The following TMPRSS2 variants were observed in gnomAD, a reference collection of about 807,000 sequenced individuals.
TMPRSS2 encodes the protein transmembrane protease serine 2.
In TMPRSS2, 59 loss-of-function variants were observed where a neutral mutation model predicts 67.4. That is an observed-to-expected ratio of 0.88 (90% confidence interval 0.71 to 1.09). The LOEUF (loss-of-function observed/expected upper bound fraction) is 1.09. Ranked by LOEUF, TMPRSS2 falls within the 50% of genes least tolerant of loss-of-function variation. TMPRSS2 has a pLI of 0.00. For synonymous variants in TMPRSS2, 257 were observed against 257.0 expected, an observed-to-expected ratio of 1.00 and a Z score of 0.00; for missense variants, 668 against 642.7, an observed-to-expected ratio of 1.04 and a Z score of -0.43.
At chr21:41,477,331 C>T (rs8134216) in intron 7 of TMPRSS2, among the ~76,000 whole-genome samples, 97,647 of 152,016 alleles carry the variant, frequency 0.64, 33,013 homozygotes, top group Middle Eastern at 0.78. Context: ...GATGTCTGAA[C>T]AGACAGAACA....
intron 8 of TMPRSS2, 50 bp from the exon 9 acceptor site, chr21:41,473,546 C>G (rs199704563): frequency 4.1e-4 from 629 of 1,542,170 alleles, no homozygotes; most frequent in Non-Finnish European, 5.0e-4. Flanking sequence ...CAGAAGCCGC[C>G]CAGCCACCCA....
At chr21:41,503,072 A>G (rs1332703375) in intron 1 of TMPRSS2, among the ~76,000 whole-genome samples, 1 of 152,232 alleles carries the variant, frequency 6.6e-6, no homozygotes, top group African/African-American at 2.4e-5. Flanking sequence ...TATACCAACA[A>G]CAGACGATCG....
At chr21:41,468,346 T>C in intron 12 of TMPRSS2, 50 bp downstream of exon 12, 10 of 1,604,862 alleles carry the variant, frequency 6.2e-6, no homozygotes, top group Non-Finnish European at 7.7e-6. Context: ...TCATGGGGGG[T>C]TCAGTAGGAT....
At chr21:41,466,789 A>C (rs1569007816) in intron 13 of TMPRSS2, among the ~76,000 whole-genome samples, 1 of 152,228 alleles carries the variant, frequency 6.6e-6, no homozygotes, top group African/African-American at 2.4e-5. Context: ...GCTTTCTTCC[A>C]CTAGTAGCCC....
intron 3 of TMPRSS2, among the ~76,000 whole-genome samples, chr21:41,491,900 C>T (rs73357644): frequency 0.054 from 8,198 of 152,214 alleles, 737 homozygotes; most frequent in African/African-American, 0.19. Flanking sequence ...CTCACTGGCC[C>T]GGCACAGTGG....
chr21:41,494,717 G>A lies in TMPRSS2; in HGVS notation c.16-139C>T, dbSNP rs368625065. ...GTTTTTATTTTATTTTGTGAAATAT[G>A]CATCCTGTCTATACAACTTGTACAG... On this transcript the variant is annotated intron_variant, in intron 2 of 13. Coordinates refer to ENST00000332149, the MANE Select transcript of TMPRSS2 (RefSeq NM_005656.4). The A allele has an allele frequency of 2.4e-4, 201 of 843,726 alleles. 1 individual carries two copies. Among genetic ancestry groups the A allele is most frequent in the Admixed American group, 1.8e-3 (89 of 49,656 alleles). 52.3% of individuals were successfully genotyped at this position (843,726 alleles called of 1,614,324 possible).
At chr21:41,505,028 C>T (rs1254222792) in intron 1 of TMPRSS2, among the ~76,000 whole-genome samples, 1 of 152,080 alleles carries the variant, frequency 6.6e-6, no homozygotes, top group Non-Finnish European at 1.5e-5. Context: ...TGCACCTGGG[C>T]CTTCAATGCT....
intron 2 of TMPRSS2, among the ~76,000 whole-genome samples, chr21:41,495,403 C>A (rs183141812): frequency 4.3e-4 from 65 of 152,166 alleles, no homozygotes; most frequent in Non-Finnish European, 7.6e-4. Context: ...GCAGGTGGAT[C>A]ACCTGAGGTC....
intron 1 of TMPRSS2, among the ~76,000 whole-genome samples, chr21:41,503,477 A>G (rs420737): frequency 0.12 from 18,050 of 152,256 alleles, 2,014 homozygotes; most frequent in East Asian, 0.33. Flanking sequence ...TGAGCACTCA[A>G]TAATAACATA....
rs747100310 is a variant in TMPRSS2, at chr21:41,479,198, G to A, written c.657C>T (p.Val219=). The A allele has an allele frequency of 8.7e-6, 14 of 1,613,794 alleles. No individual in the cohort carries two copies. Among genetic ancestry groups the A allele is most frequent in the South Asian group, 5.5e-5 (5 of 91,078 alleles). ...FMKLNTSAGN[V]DIYKKLYHSD... is the part of the protein sequence containing the mutation. ...TGTGGTACAGTTTTTTATAGATATC[G>A]ACATTGCCGGCACTTGTGTTCAGTT... Residue 219 remains valine, a synonymous_variant, in exon 7 of 14, where the codon GTC becomes GTT. Coordinates refer to ENST00000332149, the MANE Select transcript of TMPRSS2 (RefSeq NM_005656.4).
At position 41,494,416 on chromosome 21, in the gene TMPRSS2, C is replaced by T. The variant is rs1266959483; in HGVS notation, c.178G>A (p.Ala60Thr). 1 of 1,611,588 alleles carries T rather than the reference C, an allele frequency of 6.2e-7. No individual in the cohort carries two copies. Among genetic ancestry groups the T allele is most frequent in the East Asian group, 2.2e-5 (1 of 44,864 alleles). Residue 60 changes from alanine (A) to threonine (T), a missense_variant, in exon 3 of 14, where the codon GCT becomes ACT. Coordinates refer to ENST00000332149, the MANE Select transcript of TMPRSS2 (RefSeq NM_005656.4). The part of the protein sequence containing the change: ...PQYAPRVLTQ[A>T]SNPVVCTQPK... ...TGCGTGCAGACGACGGGGTTGGAAGCCTGCGTCAGGACCCTCGGGGCGTAC... is the reference window on the plus strand; with the variant it reads ...TGCGTGCAGACGACGGGGTTGGAAGTCTGCGTCAGGACCCTCGGGGCGTAC...
intron 5 of TMPRSS2, among the ~76,000 whole-genome samples, chr21:41,484,626 T>A (rs962790387): frequency 6.6e-6 from 1 of 152,168 alleles, no homozygotes; most frequent in Admixed American, 6.5e-5. Context: ...ATATGAATAA[T>A]CAATATGGAA....
intron 1 of TMPRSS2, among the ~76,000 whole-genome samples, chr21:41,501,923 A>G (rs2091427234): frequency 6.6e-6 from 1 of 152,254 alleles, no homozygotes; most frequent in African/African-American, 2.4e-5. Context: ...TCAATTCTGG[A>G]AAGCCAGCCA....
chr21:41,492,465 T>C (rs57272146), intron 3 of TMPRSS2, among the ~76,000 whole-genome samples: 71 of 152,368 alleles, frequency 4.7e-4, no homozygotes, highest in African/African-American at 1.7e-3. Flanking sequence ...AAATTCCTTA[T>C]ACTCCTGATG....
chr21:41,476,059 C>T (rs945888699), intron 8 of TMPRSS2, among the ~76,000 whole-genome samples: 1 of 152,102 alleles, frequency 6.6e-6, no homozygotes, highest in African/African-American at 2.4e-5. Flanking sequence ...ACTCTAAACA[C>T]AGAGATGGGG....
chr21:41,471,784 G>T (rs2091135495), intron 10 of TMPRSS2, 22 bp downstream of exon 10: 15 of 1,570,494 alleles, frequency 9.6e-6, no homozygotes, highest in African/African-American at 1.4e-5. Flanking sequence ...CAACCTGCTT[G>T]CCAAGCCTGA....
At position 41,498,278 on chromosome 21, in the gene TMPRSS2, T is replaced by A. The variant is rs186510586; in HGVS notation, c.-56-89A>T. ...GGAAAGAACTAGAAGAATCTCTAGA[T>A]GAAGGTTACCTACAACAAAGACCAG... On this transcript the variant is annotated intron_variant, in intron 1 of 13. Coordinates refer to ENST00000332149, the MANE Select transcript of TMPRSS2 (RefSeq NM_005656.4). 1.4e-5 allele frequency: 12 copies of A among 879,008 alleles called. No individual in the cohort carries two copies. The African/African-American group carries it at 2.0e-4, about 15-fold the overall frequency. The allele number at this position is 879,008 out of a possible 1,614,324, so 54.5% of individuals were successfully genotyped here. A position where few individuals can be genotyped will look rare whatever the true frequency, so the allele number is the denominator to read the frequency against.
intron 1 of TMPRSS2, among the ~76,000 whole-genome samples, chr21:41,502,989 T>C (rs1475973250): frequency 1.3e-5 from 2 of 152,162 alleles, no homozygotes; most frequent in Non-Finnish European, 2.9e-5. Flanking sequence ...CAAAAACTAT[T>C]GGGGAAAAAT....
intron 5 of TMPRSS2, among the ~76,000 whole-genome samples, chr21:41,484,045 G>T (rs1056602673): frequency 2.0e-5 from 3 of 152,120 alleles, no homozygotes; most frequent in African/African-American, 7.2e-5. Flanking sequence ...ATTGAGCCCA[G>T]GAGGTCGAGG....
Sources: gnomAD v4.1 joint callset for allele counts (sites outside exome capture counted in the v4.1 genomes callset) on GRCh38, gnomAD v4.1.1 for gene constraint, MANE v1.5 for transcripts, NCBI Gene and HGNC (gene_info 2026-07-23, HGNC 2026-07-21) for gene names.